BBS4: variants seen among roughly 807,000 people sequenced by gnomAD.
BBS4 encodes the protein BBSome complex member BBS4.
In BBS4, 58 loss-of-function variants were observed where a neutral mutation model predicts 71.4. The observed-to-expected ratio is 0.81, with a 90% CI of 0.66 to 1.01. The LOEUF (loss-of-function observed/expected upper bound fraction) is 1.01, where lower values mean the gene tolerates loss of function less well. Ranked by LOEUF, BBS4 falls within the 50% of genes least tolerant of loss-of-function variation. The pLI is 0.00. For missense variants in BBS4, 660 were observed against 607.9 expected (o/e 1.09, Z -0.90); for synonymous variants, 228 against 216.8 (o/e 1.05, Z -0.46).
chr15:72,703,918 G>A (rs11072383), intron 2 of BBS4, among the ~76,000 whole-genome samples: 27,393 of 152,126 alleles, frequency 0.18, 2,839 homozygotes, highest in African/African-American at 0.28. Context: ...AGCCTAAGCA[G>A]AATTTGAAAT....
chr15:72,700,733 T>G (rs1156790525), intron 2 of BBS4, among the ~76,000 whole-genome samples: 2 of 152,074 alleles, frequency 1.3e-5, no homozygotes, highest in Non-Finnish European at 2.9e-5. Flanking sequence ...TTTACTACTT[T>G]CATTTTATTA....
intron 5 of BBS4, 23 bp downstream of exon 5, chr15:72,715,425 C>G (rs367560646): frequency 6.7e-7 from 1 of 1,502,956 alleles, no homozygotes; most frequent in South Asian, 1.1e-5. Context: ...AACCTGGAGG[C>G]CCTAGGGCAC....
intron 3 of BBS4, among the ~76,000 whole-genome samples, chr15:72,711,475 T>C (rs537238408): frequency 2.6e-5 from 4 of 152,162 alleles, no homozygotes; most frequent in Non-Finnish European, 5.9e-5. Flanking sequence ...AAAGGTTCTC[T>C]TTCTTTTTCA....
Position 72,712,237 on chromosome 15 carries a change from C to A in BBS4, c.157-7C>A. ...ACTGCTCAGAAGCATTTTTCTCCCTCTTTCAGGCTGTTATCAAAGAACAGC... is the reference window on the plus strand; with the variant it reads ...ACTGCTCAGAAGCATTTTTCTCCCTATTTCAGGCTGTTATCAAAGAACAGC... On this transcript the variant is annotated splice_polypyrimidine_tract_variant and splice_region_variant and intron_variant, in intron 3 of 15. Transcript: ENST00000268057. The A allele has an allele frequency of 6.2e-7, 1 of 1,613,606 alleles. No homozygotes were observed. Among genetic ancestry groups the A allele is most frequent in the Non-Finnish European group, 8.5e-7 (1 of 1,179,678 alleles).
At chr15:72,687,290 T>G (rs1174186480) in intron 1 of BBS4, among the ~76,000 whole-genome samples, 1 of 151,448 alleles carries the variant, frequency 6.6e-6, no homozygotes, top group Non-Finnish European at 1.5e-5. Context: ...GGCCGAAACA[T>G]TTTTATTAAG....
chr15:72,720,951 G>A (rs944693655), intron 6 of BBS4, among the ~76,000 whole-genome samples: 1 of 152,324 alleles, frequency 6.6e-6, no homozygotes, highest in Middle Eastern at 3.4e-3. Context: ...AAGGTCAGAG[G>A]TTAGCCTTCA....
chr15:72,688,411 CTTTTTTTTTTT>C (rs58644289), intron 1 of BBS4, among the ~76,000 whole-genome samples: 2 of 83,052 alleles, frequency 2.4e-5, no homozygotes, highest in Non-Finnish European at 4.3e-5. Context: ...GGTATTTTAT[CTTTTTTTTTTT>C]TTTTTTTTTG....
intron 6 of BBS4, among the ~76,000 whole-genome samples, chr15:72,721,731 G>A (rs1281279128): frequency 6.6e-6 from 1 of 152,134 alleles, no homozygotes; most frequent in African/African-American, 2.4e-5. Context: ...CTGAGCCTGG[G>A]GGTCCATGTT....
At chr15:72,731,848 C>G (rs2065832108) in intron 12 of BBS4, 122 bp downstream of exon 12, 9 of 1,221,440 alleles carry the variant, frequency 7.4e-6, no homozygotes, top group South Asian at 1.3e-5. Flanking sequence ...CTGTAGGAAT[C>G]TGGATTACTG....
intron 1 of BBS4, 140 bp from the exon 2 acceptor site, chr15:72,695,037 A>G: frequency 6.4e-6 from 4 of 623,254 alleles, no homozygotes; most frequent in Non-Finnish European, 1.1e-5. Flanking sequence ...CCATATTTAA[A>G]GTAACTCTAT....
intron 2 of BBS4, among the ~76,000 whole-genome samples, chr15:72,701,932 G>A (rs2065177057): frequency 1.3e-5 from 2 of 152,066 alleles, no homozygotes; most frequent in Admixed American, 1.3e-4. Flanking sequence ...TTGCCTCCCG[G>A]ATTCAAGCAA....
intron 1 of BBS4, among the ~76,000 whole-genome samples, chr15:72,694,839 G>A (rs889064704): frequency 6.6e-6 from 1 of 152,128 alleles, no homozygotes; most frequent in African/African-American, 2.4e-5. Flanking sequence ...TGGTTTGGCT[G>A]CTGAGAAGTA....
chr15:72,702,679 C>G (rs2065191386), intron 2 of BBS4, among the ~76,000 whole-genome samples: 1 of 152,018 alleles, frequency 6.6e-6, no homozygotes, highest in South Asian at 2.1e-4. Context: ...CAGTCTCTTC[C>G]TCTTCCTTCA....
In BBS4 at chr15:72,736,956, C is replaced by T. The variant is rs748092163; in HGVS notation, c.1443C>T (p.Leu481=). Residue 481 remains leucine (L), a synonymous_variant, in exon 15 of 16, where the codon CTC becomes CTT. Transcript: ENST00000268057. ...AMSSAAAYRT[L]PSGAGGTSQF... is the part of the protein sequence containing the mutation. ...CTTCAGCAGCTGCATACAGGACGCTCCCCTCAGGTAGGACCATACAGAGCT... is the reference window on the plus strand; with the variant it reads ...CTTCAGCAGCTGCATACAGGACGCTTCCCTCAGGTAGGACCATACAGAGCT... 1.1e-5 allele frequency: 17 copies of T among 1,614,006 alleles called. No individual in the cohort carries two copies. The highest frequency in any genetic ancestry group is 1.6e-4 in the Middle Eastern group (1 of 6,082).
intron 7 of BBS4, among the ~76,000 whole-genome samples, chr15:72,723,512 T>C (rs1390187080): frequency 1.3e-5 from 2 of 152,136 alleles, no homozygotes; most frequent in Non-Finnish European, 2.9e-5. Flanking sequence ...TCACAGTTAG[T>C]GATTGTGAAG....
chr15:72,709,562 ATATAT>A (rs1595921287), intron 2 of BBS4, 133 bp from the exon 3 acceptor site: 14 of 702,550 alleles, frequency 2.0e-5, no homozygotes, highest in African/African-American at 3.5e-5. Flanking sequence ...ATGCACTATA[ATATAT>A]TATTGTAGTC....
At chr15:72,736,173 T>C (rs2065919211) in intron 14 of BBS4, among the ~76,000 whole-genome samples, 1 of 152,106 alleles carries the variant, frequency 6.6e-6, no homozygotes, top group Admixed American at 6.6e-5. Flanking sequence ...CTTACTGAGT[T>C]GTTATTGCTA....
At chr15:72,705,438 G>A (rs1323829695) in intron 2 of BBS4, among the ~76,000 whole-genome samples, 1 of 152,154 alleles carries the variant, frequency 6.6e-6, no homozygotes, top group Non-Finnish European at 1.5e-5. Context: ...CCAAGAGTGT[G>A]AAATGACCTT....
At chr15:72,702,179 A>G (rs1017514899) in intron 2 of BBS4, among the ~76,000 whole-genome samples, 2 of 152,172 alleles carry the variant, frequency 1.3e-5, no homozygotes, top group Non-Finnish European at 2.9e-5. Context: ...TTGCTCAGTT[A>G]TGTCTAATTG....
Sources: allele counts gnomAD v4.1 joint callset (sites outside exome capture counted in the v4.1 genomes callset), GRCh38; gene constraint gnomAD v4.1.1; transcripts MANE v1.5; gene names NCBI Gene and HGNC (gene_info 2026-07-23, HGNC 2026-07-21).